The following CORO1A variants were observed in gnomAD, a reference collection of about 807,000 sequenced individuals.
CORO1A encodes the protein coronin-1A.
A neutral mutation model predicts 44.1 loss-of-function variants in CORO1A; 17 were observed. The observed-to-expected ratio is 0.39, with a 90% CI of 0.26 to 0.58. CORO1A has a LOEUF of 0.58. Among genes scored for constraint, CORO1A ranks in the 20% least tolerant of loss-of-function variants. The probability of loss-of-function intolerance (pLI) is 0.62; values close to 1 mark genes in which losing one functional copy is unlikely to be tolerated. For missense variants in CORO1A, 415 were observed against 606.5 expected (o/e 0.68, Z 3.32); for synonymous variants, 271 against 244.2 (o/e 1.11, Z -1.02).
Position 30,187,190 on chromosome 16 carries a change from C to G in CORO1A, c.603C>G (p.Arg201=), listed in dbSNP as rs2073349127. The part of the protein sequence containing the change: ...ICTSCRDKRV[R]IIEPRKGTVV... The stretch of plus-strand genomic sequence containing the variant: ...CCTCCTGCCGTGACAAGCGCGTGCG[C>G]ATCATCGAGCCCCGCAAAGGCACTG... The change falls in exon 5 of 11, where the codon CGC becomes CGG. Residue 201 remains arginine (R), a synonymous_variant. Transcript: ENST00000219150. 1 of 1,613,374 alleles carries G rather than the reference C, an allele frequency of 6.2e-7. No individual in the cohort carries two copies. Among genetic ancestry groups the G allele is most frequent in the South Asian group, 1.1e-5 (1 of 91,090 alleles).
rs1456398997 is a variant in CORO1A at position 30,184,215 on chromosome 16, C to T, written c.-2+490C>T. The T allele has an allele frequency of 1.3e-5, 2 of 152,224 alleles. No individual in the cohort carries two copies. Among genetic ancestry groups the T allele is most frequent in the Admixed American group, 1.3e-4 (2 of 15,260 alleles). The allele number at this position is 152,224 out of a possible 1,614,324, so 9.4% of individuals were successfully genotyped here. ...TCCCCCACCTCTGGTCCGGGGCTCCCCTCTCTCCAGATACAGGCTGCTCCT... is the reference window on the plus strand; with the variant it reads ...TCCCCCACCTCTGGTCCGGGGCTCCTCTCTCTCCAGATACAGGCTGCTCCT... On this transcript the variant is annotated intron_variant, in intron 1 of 10. Transcript: ENST00000219150. The surrounding 1 kb of genome is among the most constrained non-coding windows in gnomAD (Gnocchi z 4.3).
intron 9 of CORO1A, 41 bp from the exon 10 acceptor site, chr16:30,188,319 TG>T (rs1301145150): frequency 1.2e-6 from 2 of 1,612,398 alleles, no homozygotes; most frequent in East Asian, 4.5e-5. Context: ...GGGGGTGTCC[TG>T]GCATAAGCGC....
At chr16:30,187,865 G>GGGGGGGCC in intron 7 of CORO1A, 36 bp downstream of exon 7, 1 of 513,368 alleles carries the variant, frequency 1.9e-6, no homozygotes, top group Non-Finnish European at 3.6e-6. Context: ...TGGGAGGTGG[G>GGGGGGGCC]CAGGATGGGC....
chr16:30,187,807 A>G lies in CORO1A; in HGVS notation c.839A>G (p.Asn280Ser). ...VLLPFFDPDT[N>S]IVYLCGKGDS... is the part of the protein sequence containing the mutation. Reference sequence around the variant, plus strand: ...CTGCCCTTCTTTGACCCTGACACCAACATCGTCTACCTCTGTGGCAAGGTG... The same window carrying G: ...CTGCCCTTCTTTGACCCTGACACCAGCATCGTCTACCTCTGTGGCAAGGTG... Residue 280 changes from asparagine (N) to serine (S), a missense_variant, in exon 7 of 11, where the codon AAC becomes AGC. By Grantham distance (46) the Asn-to-Ser change is conservative. This residue lies in a region of CORO1A where 325 missense variants were observed against 521.7 expected (regional missense o/e 0.62). Transcript: ENST00000219150. 1.4e-6 allele frequency: 2 copies of G among 1,431,070 alleles called. No individual in the cohort carries two copies. The highest frequency in any genetic ancestry group is 9.3e-7 in the Non-Finnish European group (1 of 1,074,492). The allele number at this position is 1,431,070 out of a possible 1,614,324, so 88.6% of individuals were successfully genotyped here. A position where few individuals can be genotyped will look rare whatever the true frequency, so the allele number is the denominator to read the frequency against.
rs151106018 is a variant in CORO1A, at chr16:30,188,483, C to A, written c.1188C>A (p.Tyr396Ter). ...TCCTCATCTCCCTCAAGGATGGCTACGTACCCCCAAAGAGCCGGGAGCTGA... is the reference window on the plus strand; with the variant it reads ...TCCTCATCTCCCTCAAGGATGGCTAAGTACCCCCAAAGAGCCGGGAGCTGA... ...GPLLISLKDG[Y>*]VPPKSRELRV... is the part of the protein sequence containing the mutation. The change falls in exon 10 of 11, where the codon TAC becomes TAA. Residue 396 changes from tyrosine to a stop codon, truncating the protein, a stop_gained. Transcript: ENST00000219150. LOFTEE classifies it high-confidence loss of function. 1 of 1,613,250 alleles carries A rather than the reference C, an allele frequency of 6.2e-7. No individual in the cohort carries two copies. Among genetic ancestry groups the A allele is most frequent in the Non-Finnish European group, 8.5e-7 (1 of 1,179,982 alleles).
chr16:30,187,540 G>C (rs371473241), intron 6 of CORO1A, 39 bp downstream of exon 6: 12 of 1,585,812 alleles, frequency 7.6e-6, no homozygotes, highest in Non-Finnish European at 9.4e-6. Flanking sequence ...CCCCAGGCTG[G>C]GAACCAAGAC....
chr16:30,185,475 T>G, intron 2 of CORO1A, 68 bp downstream of exon 2: 1 of 1,438,194 alleles, frequency 7.0e-7, no homozygotes, highest in Non-Finnish European at 9.6e-7. Context: ...AGGTCCTGAT[T>G]AGGTGACGGT....
intron 7 of CORO1A, 32 bp downstream of exon 7, chr16:30,187,861 G>C: frequency 6.4e-7 from 1 of 1,563,580 alleles, no homozygotes; most frequent in Non-Finnish European, 8.8e-7. Context: ...GGGGTGGGAG[G>C]TGGGCAGGAT....
Position 30,183,845 on chromosome 16 carries a change from G to A in CORO1A, c.-2+120G>A, listed in dbSNP as rs1308092540. 3 of 151,662 alleles carry A rather than the reference G, an allele frequency of 2.0e-5. No individual in the cohort carries two copies. The highest frequency in any genetic ancestry group is 7.2e-5 in the African/African-American group (3 of 41,386). The allele number at this position is 151,662 out of a possible 1,614,324, so 9.4% of individuals were successfully genotyped here. On this transcript the variant is annotated intron_variant, in intron 1 of 10. Transcript: ENST00000219150. This position sits in a 1 kb window ranked among gnomAD's most constrained non-coding sequence, Gnocchi z 5.0. The stretch of plus-strand genomic sequence containing the variant: ...CTGTCACCGCGACCCAGCCAGCGCC[G>A]GGGCCAGGTAGCGGGCGCAGCAGCC...
chr16:30,186,693 C>G lies in CORO1A; in HGVS notation c.294C>G (p.Ala98=), dbSNP rs1460112863. The G allele has an allele frequency of 2.5e-6, 4 of 1,612,808 alleles. No homozygotes were observed. In the African/African-American group the frequency reaches 5.3e-5, roughly 22 times the overall value. Residue 98 remains alanine, a synonymous_variant, in exon 3 of 11, where the codon GCC becomes GCG. Coordinates refer to ENST00000219150, the MANE Select transcript of CORO1A (RefSeq NM_007074.4). ...GCCCGCACAATGACAACGTCATTGC[C>G]AGTGGCTCCGAGGACTGCACAGTCA... is the stretch of plus-strand genomic sequence containing the variant. ...AWCPHNDNVI[A]SGSEDCTVMV...
chr16:30,187,230 C>T lies in CORO1A; in HGVS notation c.636+7C>T, dbSNP rs760274904. ...CAAAGGCACTGTCGTAGCTGTGAGT[C>T]GCCATCTACCCTGACCTTTGACCCT... On this transcript the variant is annotated splice_region_variant and intron_variant, in intron 5 of 10. Transcript: ENST00000219150. 4.0e-5 allele frequency: 64 copies of T among 1,610,738 alleles called. No individual in the cohort carries two copies. Among genetic ancestry groups the T allele is most frequent in the Non-Finnish European group, 5.3e-5 (63 of 1,179,974 alleles).
chr16:30,184,863 GTC>G lies in CORO1A; in HGVS notation c.-1-344_-1-343del. The stretch of plus-strand genomic sequence containing the variant: ...AGCCATCTGGGCTGATGACGCCTGA[GTC>G]TGAACCATTAGGAAGGACGGGCTCT... On this transcript the variant is annotated intron_variant, in intron 1 of 10. Transcript: ENST00000219150. The surrounding 1 kb of genome is among the most constrained non-coding windows in gnomAD (Gnocchi z 4.3). The G allele has an allele frequency of 4.8e-6, 2 of 414,880 alleles. No individual in the cohort carries two copies. Among genetic ancestry groups the G allele is most frequent in the South Asian group, 4.3e-5 (2 of 46,806 alleles). The allele number at this position is 414,880 out of a possible 1,614,324, so 25.7% of individuals were successfully genotyped here.
chr16:30,183,786 G>T lies in CORO1A; in HGVS notation c.-2+61G>T, dbSNP rs1280588005. 1 of 151,590 alleles carries T rather than the reference G, an allele frequency of 6.6e-6. No individual in the cohort carries two copies. Among genetic ancestry groups the T allele is most frequent in the Non-Finnish European group, 1.5e-5 (1 of 67,882 alleles). The allele number at this position is 151,590 out of a possible 1,614,324, so 9.4% of individuals were successfully genotyped here. A position where few individuals can be genotyped will look rare whatever the true frequency, so the allele number is the denominator to read the frequency against. ...GCGAGGGCCACCTGTGGGGCGGCGC[G>T]CGCGTGGGAGCCGCGGGCTGCGGGG... On this transcript the variant is annotated intron_variant, in intron 1 of 10. Transcript: ENST00000219150. The surrounding 1 kb of genome is among the most constrained non-coding windows in gnomAD (Gnocchi z 5.0).
In CORO1A at chr16:30,186,862, C is replaced by G; in HGVS notation, c.368C>G (p.Pro123Arg). The G allele has an allele frequency of 6.2e-7, 1 of 1,611,952 alleles. No individual in the cohort carries two copies. The highest frequency in any genetic ancestry group is 8.5e-7 in the Non-Finnish European group (1 of 1,179,986). Residue 123 changes from proline to arginine, a missense_variant, in exon 4 of 11, where the codon CCC (proline) becomes CGC (arginine). Physicochemically the swap from Pro to Arg is moderately radical, Grantham distance 103. Around this residue, in one of 2 missense-constraint regions of CORO1A, gnomAD observed 325 missense variants for 521.7 expected, o/e 0.62. Transcript: ENST00000219150. ...GGCCTGATGCTGCCCCTGCGGGAGC[C>G]CGTCGTCACCCTGGAGGGCCACACC... ...DGGLMLPLRE[P>R]VVTLEGHTKR... is the part of the protein sequence containing the mutation.
chr16:30,188,615 GT>G, intron 10 of CORO1A, 39 bp downstream of exon 10: 1 of 1,161,870 alleles, frequency 8.6e-7, no homozygotes, highest in Non-Finnish European at 1.2e-6. Context: ...AACTGGGAGG[GT>G]GGGGTGGGGC....
At position 30,187,715 on chromosome 16, in the gene CORO1A, G is replaced by A; in HGVS notation, c.757-10G>A. 1 of 1,600,678 alleles carries A rather than the reference G, an allele frequency of 6.2e-7. No individual in the cohort carries two copies. Among genetic ancestry groups the A allele is most frequent in the East Asian group, 2.2e-5 (1 of 44,816 alleles). ...GGGCCTGGGATGTTACCTCTCACCT[G>A]TGTCTACAGAAGCACCTGGAGGAGC... On this transcript the variant is annotated splice_polypyrimidine_tract_variant and intron_variant, in intron 6 of 10. Transcript: ENST00000219150.
At position 30,186,856 on chromosome 16, in the gene CORO1A, G is replaced by A. The variant is rs779055659; in HGVS notation, c.362G>A (p.Arg121Gln). The A allele has an allele frequency of 1.2e-5, 19 of 1,611,760 alleles. No individual in the cohort carries two copies. Among genetic ancestry groups the A allele is most frequent in the African/African-American group, 1.3e-5 (1 of 74,914 alleles). The change falls in exon 4 of 11, where the codon CGG (arginine) becomes CAG (glutamine). Residue 121 changes from arginine to glutamine, a missense_variant. Transcript: ENST00000219150. ...IPDGGLMLPL[R>Q]EPVVTLEGHT... Reference sequence around the variant, plus strand: ...GATGGGGGCCTGATGCTGCCCCTGCGGGAGCCCGTCGTCACCCTGGAGGGC... The same window carrying A: ...GATGGGGGCCTGATGCTGCCCCTGCAGGAGCCCGTCGTCACCCTGGAGGGC...
Position 30,186,646 on chromosome 16 carries a change from C to A in CORO1A, c.247C>A (p.Pro83Thr). 1.9e-6 allele frequency: 3 copies of A among 1,613,104 alleles called. No homozygotes were observed. The highest frequency in any genetic ancestry group is 2.5e-6 in the Non-Finnish European group (3 of 1,179,980). ...NAPTVCGHTA[P>T]VLDIAWCPHN... ...GCCCACGGTCTGTGGCCACACAGCC[C>A]CTGTGCTAGACATCGCCTGGTGCCC... The change falls in exon 3 of 11, where the codon CCT (proline) becomes ACT (threonine). Residue 83 changes from proline to threonine, a missense_variant. Coordinates refer to ENST00000219150, the MANE Select transcript of CORO1A (RefSeq NM_007074.4).
Position 30,184,081 on chromosome 16 carries a change from C to T in CORO1A, c.-2+356C>T, listed in dbSNP as rs755643292. ...GGGGCAGCTGCCCTGGGCTTGGAGA[C>T]AGGAAGGGGTTGAGAGCAAAACAAG... On this transcript the variant is annotated intron_variant, in intron 1 of 10. Transcript: ENST00000219150. This position sits in a 1 kb window ranked among gnomAD's most constrained non-coding sequence, Gnocchi z 4.3. 1 of 152,042 alleles carries T rather than the reference C, an allele frequency of 6.6e-6. No homozygotes were observed. Among genetic ancestry groups the T allele is most frequent in the Non-Finnish European group, 1.5e-5 (1 of 68,122 alleles). 9.4% of individuals were successfully genotyped at this position (152,042 alleles called of 1,614,324 possible). A position where few individuals can be genotyped will look rare whatever the true frequency, so the allele number is the denominator to read the frequency against.
Sources: gnomAD v4.1 joint callset for allele counts on GRCh38, gnomAD v4.1.1 for gene constraint, gnomAD v4.1.1 regional missense constraint, Gnocchi (gnomAD v3.1) non-coding constraint, MANE v1.5 for transcripts, NCBI Gene and HGNC (gene_info 2026-07-23, HGNC 2026-07-21) for gene names.